TICRR: variants seen among roughly 807,000 people sequenced by gnomAD.
TICRR encodes the protein TOPBP1 interacting checkpoint and replication regulator, also known as treslin.
TICRR carries 132 observed loss-of-function variants against 178.1 expected under a neutral mutation model. The observed-to-expected ratio is 0.74, with a 90% CI of 0.64 to 0.86. The LOEUF (loss-of-function observed/expected upper bound fraction) is 0.86. Among genes scored for constraint, TICRR ranks in the 40% least tolerant of loss-of-function variants. TICRR has a pLI of 0.00. For missense variants in TICRR, 2,587 were observed against 2,334.3 expected (o/e 1.11, Z -2.23); for synonymous variants, 991 against 900.7 (o/e 1.10, Z -1.79).
Position 89,624,931 on chromosome 15 carries a change from G to T in TICRR, c.4621G>T (p.Asp1541Tyr), listed in dbSNP as rs779649454. 6.2e-7 allele frequency: 1 copy of T among 1,614,074 alleles called. No homozygotes were observed. The highest frequency in any genetic ancestry group is 1.1e-5 in the South Asian group (1 of 91,076). Residue 1541 changes from aspartate to tyrosine, a missense_variant, in exon 20 of 22, where the codon GAC becomes TAC. Transcript: ENST00000268138. The stretch of plus-strand genomic sequence containing the variant: ...ACAGTGCCAGGCTTCGGCACAACTA[G>T]ACAACCTGCCAGCATCAGCTTGGCA... The part of the protein sequence containing the change: ...GRQCQASAQL[D>Y]NLPASAWHST...
intron 19 of TICRR, among the ~76,000 whole-genome samples, chr15:89,622,303 AC>A (rs1297030648): frequency 2.6e-5 from 4 of 151,706 alleles, no homozygotes; most frequent in Non-Finnish European, 5.9e-5. Flanking sequence ...TGACTCTTGT[AC>A]CCACCCCCTC....
At chr15:89,603,556 G>T (rs1350868296) in intron 13 of TICRR, among the ~76,000 whole-genome samples, 2 of 152,224 alleles carry the variant, frequency 1.3e-5, no homozygotes, top group African/African-American at 4.8e-5. Flanking sequence ...CTGCACTCCA[G>T]CCTGGGTGAC....
chr15:89,605,202 A>G (rs940148627), intron 13 of TICRR, among the ~76,000 whole-genome samples: 2 of 152,210 alleles, frequency 1.3e-5, no homozygotes, highest in Non-Finnish European at 2.9e-5. Flanking sequence ...TGCAACATCT[A>G]TTCAGTTCTG....
At chr15:89,593,109 G>A (rs879460100) in intron 5 of TICRR, among the ~76,000 whole-genome samples, 6 of 151,892 alleles carry the variant, frequency 4.0e-5, no homozygotes, top group Admixed American at 1.3e-4. Flanking sequence ...TAGATACTTC[G>A]CATTTTCATA....
chr15:89,618,050 C>G, intron 16 of TICRR, 102 bp from the exon 17 acceptor site: 2 of 1,204,708 alleles, frequency 1.7e-6, no homozygotes, highest in Non-Finnish European at 2.5e-6. Context: ...TTATCAGACC[C>G]TGTGATCTTT....
At chr15:89,621,363 T>A (rs762042973) in intron 18 of TICRR, 30 bp from the exon 19 acceptor site, 2 of 1,584,274 alleles carry the variant, frequency 1.3e-6, no homozygotes, top group Non-Finnish European at 1.7e-6. Context: ...TGAGAAAGAA[T>A]TAAATATTGT....
Position 89,625,625 on chromosome 15 carries a change from C to G in TICRR, c.5315C>G (p.Ser1772Cys). Residue 1772 changes from serine (S) to cysteine (C), a missense_variant, in exon 20 of 22, where the codon TCC (serine) becomes TGC (cysteine). Coordinates refer to ENST00000268138, the MANE Select transcript of TICRR (RefSeq NM_152259.4). Reference protein sequence around the residue: ...ASSWGQFGLSSRKRVLLAKEE... With the variant: ...ASSWGQFGLSCRKRVLLAKEE... Reference sequence around the variant, plus strand: ...TCCTGGGGACAGTTTGGGTTGAGTTCCAGGAAGAGAGTCCTGTTGGCCAAG... The same window carrying G: ...TCCTGGGGACAGTTTGGGTTGAGTTGCAGGAAGAGAGTCCTGTTGGCCAAG... 1 of 1,613,302 alleles carries G rather than the reference C, an allele frequency of 6.2e-7. No individual in the cohort carries two copies. The highest frequency in any genetic ancestry group is 1.1e-5 in the South Asian group (1 of 91,080).
chr15:89,588,496 G>T (rs569211633), intron 4 of TICRR, among the ~76,000 whole-genome samples: 1 of 152,310 alleles, frequency 6.6e-6, no homozygotes, highest in South Asian at 2.1e-4. Flanking sequence ...AAGGAGGGAA[G>T]TGAGGACAAC....
At position 89,575,499 on chromosome 15, in the gene TICRR, AGTGAGTG is replaced by A; in HGVS notation, c.-84_-78del. 7.9e-7 allele frequency: 1 copy of A among 1,268,938 alleles called. No individual in the cohort carries two copies. Among genetic ancestry groups the A allele is most frequent in the African/African-American group, 1.6e-5 (1 of 64,004 alleles). 78.6% of individuals were successfully genotyped at this position (1,268,938 alleles called of 1,614,324 possible). ...TTCGACCAGGGTCCCAAAGGAAAGC[AGTGAGTG>A]GTGCTGTTTCCCTGAAGGAAGGGAC... is the stretch of plus-strand genomic sequence containing the variant. On this transcript the variant is annotated 5_prime_UTR_variant, in exon 1 of 22. Transcript: ENST00000268138.
chr15:89,585,650 A>C, intron 3 of TICRR, 58 bp from the exon 4 acceptor site: 2 of 1,187,494 alleles, frequency 1.7e-6, no homozygotes, highest in Non-Finnish European at 2.5e-6. Context: ...AGTACACTAC[A>C]TTCTTCTTTA....
chr15:89,591,100 A>ATATT (rs761493106), intron 4 of TICRR, among the ~76,000 whole-genome samples: 1 of 152,136 alleles, frequency 6.6e-6, no homozygotes, highest in Non-Finnish European at 1.5e-5. Context: ...TTGTTACTGT[A>ATATT]TATTTATTCT....
chr15:89,587,131 T>C (rs1962836607), intron 4 of TICRR, among the ~76,000 whole-genome samples: 2 of 152,158 alleles, frequency 1.3e-5, no homozygotes, highest in Admixed American at 6.5e-5. Flanking sequence ...TTAGATTAAA[T>C]GTGTAGAGTG....
At position 89,575,648 on chromosome 15, in the gene TICRR, G is replaced by A. The variant is rs1479674967; in HGVS notation, c.62G>A (p.Ser21Asn). 6.4e-7 allele frequency: 1 copy of A among 1,567,878 alleles called. No homozygotes were observed. The highest frequency in any genetic ancestry group is 2.4e-5 in the East Asian group (1 of 42,240). The change falls in exon 1 of 22, where the codon AGC becomes AAC. Residue 21 changes from serine to asparagine, a missense_variant. Physicochemically the swap from Ser to Asn is conservative, Grantham distance 46. Coordinates refer to ENST00000268138, the MANE Select transcript of TICRR (RefSeq NM_152259.4). ...LDTAGGAARH[S>N]RVRRAALRLL... ...ACCGCGGGCGGCGCCGCCCGCCACAGCCGGGTCCGGCGGGCCGCCCTGCGC... is the reference window on the plus strand; with the variant it reads ...ACCGCGGGCGGCGCCGCCCGCCACAACCGGGTCCGGCGGGCCGCCCTGCGC...
At chr15:89,578,488 C>T (rs1363522514) in intron 1 of TICRR, among the ~76,000 whole-genome samples, 1 of 152,128 alleles carries the variant, frequency 6.6e-6, no homozygotes, top group Non-Finnish European at 1.5e-5. Flanking sequence ...CCAGTCAAGC[C>T]TTAGACACAG....
rs1962592172 is a variant in TICRR at position 89,575,491 on chromosome 15, A to C, written c.-96A>C. On this transcript the variant is annotated 5_prime_UTR_variant, in exon 1 of 22. Coordinates refer to ENST00000268138, the MANE Select transcript of TICRR (RefSeq NM_152259.4). ...GGGAGCCTTTCGACCAGGGTCCCAA[A>C]GGAAAGCAGTGAGTGGTGCTGTTTC... 7 of 1,236,616 alleles carry C rather than the reference A, an allele frequency of 5.7e-6. No homozygotes were observed. In the East Asian group the frequency reaches 2.0e-4, roughly 35 times the overall value. 76.6% of individuals were successfully genotyped at this position (1,236,616 alleles called of 1,614,324 possible).
chr15:89,617,211 T>G (rs1963348926), intron 16 of TICRR, among the ~76,000 whole-genome samples: 1 of 152,202 alleles, frequency 6.6e-6, no homozygotes, highest in Non-Finnish European at 1.5e-5. Flanking sequence ...GCACACCTCC[T>G]TCTATTTTGT....
At chr15:89,595,310 A>G (rs956614911) in intron 6 of TICRR, 83 bp from the exon 7 acceptor site, 1 of 953,126 alleles carries the variant, frequency 1.0e-6, no homozygotes, top group Non-Finnish European at 1.6e-6. Flanking sequence ...ATATTCTTTC[A>G]CAGTAATCTG....
chr15:89,624,384 C>G lies in TICRR; in HGVS notation c.4074C>G (p.Pro1358=). 6.2e-7 allele frequency: 1 copy of G among 1,614,128 alleles called. No homozygotes were observed. Among genetic ancestry groups the G allele is most frequent in the East Asian group, 2.2e-5 (1 of 44,878 alleles). The change falls in exon 20 of 22, where the codon CCC becomes CCG. Residue 1358 remains proline (P), a synonymous_variant. Transcript: ENST00000268138. ...SVAASLSCPV[P]STPPELSQRA... ...CTGCATCTCTCTCCTGCCCTGTTCCCTCAACTCCCCCTGAACTCTCACAGA... is the reference window on the plus strand; with the variant it reads ...CTGCATCTCTCTCCTGCCCTGTTCCGTCAACTCCCCCTGAACTCTCACAGA...
chr15:89,588,077 G>A (rs761465471), intron 4 of TICRR, among the ~76,000 whole-genome samples: 2 of 152,128 alleles, frequency 1.3e-5, no homozygotes, highest in African/African-American at 2.4e-5. Context: ...TGTAAGGGCT[G>A]GGATGCCAAG....
Sources: gnomAD v4.1 joint callset for allele counts (sites outside exome capture counted in the v4.1 genomes callset) on GRCh38, gnomAD v4.1.1 for gene constraint, MANE v1.5 for transcripts, NCBI Gene and HGNC (gene_info 2026-07-23, HGNC 2026-07-21) for gene names.